The following CCSER1 variants were observed in gnomAD, a reference collection of about 807,000 sequenced individuals.
CCSER1 encodes the protein serine-rich coiled-coil domain-containing protein 1.
CCSER1 carries 41 observed loss-of-function variants against 82.0 expected under a neutral mutation model. The ratio of observed to expected loss-of-function variants is 0.50; its 90% CI spans 0.39 to 0.65. The LOEUF (loss-of-function observed/expected upper bound fraction) is 0.65. Among genes scored for constraint, CCSER1 ranks in the 30% least tolerant of loss-of-function variants. CCSER1 has a pLI of 0.00. For synonymous variants in CCSER1, 414 were observed against 383.9 expected (o/e 1.08, Z -0.92); for missense variants, 1,119 against 1,064.2 (o/e 1.05, Z -0.72).
chr4:90,445,409 T>A (rs542395363), intron 4 of CCSER1, among the ~76,000 whole-genome samples: 1 of 152,200 alleles, frequency 6.6e-6, no homozygotes, highest in Non-Finnish European at 1.5e-5. Flanking sequence ...TTGCAGTGAT[T>A]ATTTCAAGAT....
At chr4:91,121,194 C>T (rs762311084) in intron 10 of CCSER1, among the ~76,000 whole-genome samples, 27 of 150,906 alleles carry the variant, frequency 1.8e-4, no homozygotes, top group African/African-American at 5.6e-4. Context: ...TTTATATTGT[C>T]GTTGAACTCA....
At chr4:90,775,177 C>A (rs988623031) in intron 7 of CCSER1, among the ~76,000 whole-genome samples, 2 of 151,964 alleles carry the variant, frequency 1.3e-5, no homozygotes, top group African/African-American at 2.4e-5. Flanking sequence ...CCTATATAGA[C>A]CATATAAGAA....
chr4:90,545,657 A>T (rs991997386), intron 5 of CCSER1, among the ~76,000 whole-genome samples: 4 of 152,024 alleles, frequency 2.6e-5, no homozygotes, highest in African/African-American at 7.2e-5. Flanking sequence ...TTCCCTTTAG[A>T]TACTTTCATG....
intron 10 of CCSER1, among the ~76,000 whole-genome samples, chr4:91,170,995 A>G (rs1364146794): frequency 2.0e-5 from 3 of 152,208 alleles, no homozygotes; most frequent in Non-Finnish European, 4.4e-5. Context: ...TGATTCATAA[A>G]TGATTTCTGA....
rs184305680 is a variant in CCSER1 at position 90,405,792 on chromosome 4, T to A, written c.1603+5663T>A. ...CATAAATGAAGGAAAGATAAAGTCT[T>A]TTCCAGACAAATAAACACTGAAATA... is the stretch of plus-strand genomic sequence containing the variant. On this transcript the variant is annotated intron_variant, in intron 4 of 10. Transcript: ENST00000509176. Among the ~76,000 whole-genome samples the A allele has an allele frequency of 3.6e-3, 554 of 152,246 alleles. 4 individuals carry two copies. The highest frequency in any genetic ancestry group is 0.01 in the Admixed American group (158 of 15,288).
rs1181781012 is a variant in CCSER1, at chr4:91,423,458, T to C, written c.2218-175114T>C. 1.1e-4 allele frequency among the ~76,000 whole-genome samples: 16 copies of C among 151,436 alleles called. No individual in the cohort carries two copies. In the East Asian group the frequency reaches 3.1e-3, roughly 29 times the overall value. On this transcript the variant is annotated intron_variant, in intron 10 of 10. Transcript: ENST00000509176. The stretch of plus-strand genomic sequence containing the variant: ...AAAAAAAAGTAGTTCTGGTTAACGG[T>C]AGAAAAAGAATATAAGCATAATTAG...
chr4:91,048,143 A>G (rs183832443), intron 9 of CCSER1, among the ~76,000 whole-genome samples: 2 of 152,192 alleles, frequency 1.3e-5, no homozygotes, highest in Admixed American at 6.5e-5. Flanking sequence ...ATTATATTTC[A>G]TGAATATTAA....
intron 1 of CCSER1, among the ~76,000 whole-genome samples, chr4:90,237,731 C>T (rs1221920241): frequency 2.0e-5 from 3 of 152,112 alleles, no homozygotes; most frequent in East Asian, 1.9e-4. Flanking sequence ...TTTTTCTTAA[C>T]GTCTGAATTT....
chr4:91,153,873 T>C (rs1730521372), intron 10 of CCSER1, among the ~76,000 whole-genome samples: 1 of 151,830 alleles, frequency 6.6e-6, no homozygotes, highest in African/African-American at 2.4e-5. Context: ...CTCTGGAAGC[T>C]TTGTCTCAGA....
In CCSER1 at chr4:90,145,681, G is replaced by C. The variant is rs141410292; in HGVS notation, c.-42+17850G>C. Among the ~76,000 whole-genome samples, 7 of 152,010 alleles carry C rather than the reference G, an allele frequency of 4.6e-5. No homozygotes were observed. In the South Asian group the frequency reaches 1.4e-3, roughly 31 times the overall value. On this transcript the variant is annotated intron_variant, in intron 1 of 10. Transcript: ENST00000509176. ...CAGAGTTTTCATTGTTGTTTTGACT[G>C]TATTAACATTTTCTATCTGTGAAGT... is the stretch of plus-strand genomic sequence containing the variant.
At chr4:91,321,240 C>A (rs1368706831) in intron 10 of CCSER1, among the ~76,000 whole-genome samples, 1 of 152,046 alleles carries the variant, frequency 6.6e-6, no homozygotes, top group Non-Finnish European at 1.5e-5. Context: ...AACACTTTCT[C>A]TTAGTAATTT....
At chr4:91,160,784 T>C (rs1431771442) in intron 10 of CCSER1, among the ~76,000 whole-genome samples, 1 of 152,192 alleles carries the variant, frequency 6.6e-6, no homozygotes, top group Non-Finnish European at 1.5e-5. Flanking sequence ...TTAAGTTCTT[T>C]GTAGATTCTG....
intron 10 of CCSER1, among the ~76,000 whole-genome samples, chr4:91,499,832 A>G (rs191595318): frequency 6.7e-4 from 102 of 152,126 alleles, no homozygotes; most frequent in African/African-American, 2.3e-3. Flanking sequence ...TTAGTGATGA[A>G]TAATGTTCCC....
intron 10 of CCSER1, among the ~76,000 whole-genome samples, chr4:91,211,250 T>C (rs148132939): frequency 1.3e-5 from 2 of 152,120 alleles, no homozygotes; most frequent in Non-Finnish European, 2.9e-5. Context: ...ACTAGGGATA[T>C]AACGGAGCAA....
intron 1 of CCSER1, among the ~76,000 whole-genome samples, chr4:90,202,210 T>G (rs956149752): frequency 6.6e-6 from 1 of 151,916 alleles, no homozygotes; most frequent in African/African-American, 2.4e-5. Context: ...AACTTTTTTT[T>G]TTTTTTTGAG....
chr4:90,659,025 G>A (rs1331843467), intron 6 of CCSER1, among the ~76,000 whole-genome samples: 3 of 150,332 alleles, frequency 2.0e-5, no homozygotes, highest in Non-Finnish European at 2.9e-5. Flanking sequence ...AACAAAAAGT[G>A]GTGTGTGCAG....
At chr4:91,107,437 A>G (rs1345219427) in intron 10 of CCSER1, among the ~76,000 whole-genome samples, 6 of 151,986 alleles carry the variant, frequency 3.9e-5, no homozygotes, top group African/African-American at 1.4e-4. Flanking sequence ...TTGTATTTTT[A>G]GTAGAGATGG....
intron 10 of CCSER1, among the ~76,000 whole-genome samples, chr4:91,551,202 A>C (rs1194677368): frequency 6.6e-6 from 1 of 152,148 alleles, no homozygotes; most frequent in Non-Finnish European, 1.5e-5. Context: ...AAATACCTTT[A>C]TATATGCAGA....
chr4:90,456,642 G>A (rs769691787), intron 4 of CCSER1, among the ~76,000 whole-genome samples: 21 of 152,180 alleles, frequency 1.4e-4, no homozygotes, highest in Non-Finnish European at 3.1e-4. Flanking sequence ...CAAGGGTGAT[G>A]GGGGATTGGC....
Sources: gnomAD v4.1 joint callset for allele counts (sites outside exome capture counted in the v4.1 genomes callset) on GRCh38, gnomAD v4.1.1 for gene constraint, MANE v1.5 for transcripts, NCBI Gene and HGNC (gene_info 2026-07-23, HGNC 2026-07-21) for gene names.